The following LRRTM4 variants were observed in gnomAD, a reference collection of about 807,000 sequenced individuals.
The protein encoded by LRRTM4 is leucine rich repeat transmembrane neuronal 4, also known as leucine-rich repeat transmembrane neuronal protein 4.
LRRTM4 carries 25 observed loss-of-function variants against 47.6 expected under a neutral mutation model. The observed-to-expected ratio is 0.53, with a 90% CI of 0.38 to 0.73. The LOEUF (loss-of-function observed/expected upper bound fraction) is 0.73, where lower values mean the gene tolerates loss of function less well. Ranked by LOEUF, LRRTM4 falls within the 30% of genes least tolerant of loss-of-function variation. The pLI, the probability that LRRTM4 is intolerant of heterozygous loss-of-function variation, is 0.00. For synonymous variants in LRRTM4, 311 were observed against 269.5 expected (o/e 1.15, Z -1.51); for missense variants, 638 against 713.4 (o/e 0.89, Z 1.20).
At chr2:76,748,982 A>T (rs1324221447) in intron 3 of LRRTM4, 66 bp from the exon 4 acceptor site, 2 of 1,304,330 alleles carry the variant, frequency 1.5e-6, no homozygotes, top group Admixed American at 2.0e-5. Flanking sequence ...GACAGCACTC[A>T]TCAGGTTGTA....
rs535603114 is a variant in LRRTM4 at position 76,966,395 on chromosome 2, G to A, written c.1552-217479C>T. ...TAGGAGTAATTACATGTATTTTTTGGTCTGTTGTGTGTTTTTGCTCTAGAC... is the reference window on the plus strand; with the variant it reads ...TAGGAGTAATTACATGTATTTTTTGATCTGTTGTGTGTTTTTGCTCTAGAC... On this transcript the variant is annotated intron_variant, in intron 3 of 3. Coordinates refer to ENST00000409884, the MANE Select transcript of LRRTM4 (RefSeq NM_001134745.3). Among the ~76,000 whole-genome samples the A allele has an allele frequency of 4.6e-5, 7 of 151,338 alleles. No individual in the cohort carries two copies. In the South Asian group the frequency reaches 1.2e-3, roughly 27 times the overall value.
chr2:76,882,043 T>C (rs1242190050), intron 3 of LRRTM4, among the ~76,000 whole-genome samples: 1 of 152,128 alleles, frequency 6.6e-6, no homozygotes, highest in African/African-American at 2.4e-5. Flanking sequence ...TGGTGTAAAA[T>C]TGAATTCCTA....
intron 3 of LRRTM4, among the ~76,000 whole-genome samples, chr2:77,013,980 G>A (rs1166306405): frequency 1.3e-5 from 2 of 152,090 alleles, no homozygotes; most frequent in Admixed American, 6.6e-5. Context: ...GGTTCCTTAT[G>A]GAAAATAAAG....
chr2:77,287,954 T>C lies in LRRTM4; in HGVS notation c.1551+230364A>G, dbSNP rs1050865821. 2.6e-5 allele frequency among the ~76,000 whole-genome samples: 4 copies of C among 152,106 alleles called. No individual in the cohort carries two copies. The South Asian group carries it at 6.2e-4, about 24-fold the overall frequency. ...GGGCACTACTGTATACAACAAAGGG[T>C]AATGTATTCACATCATTCAACACAT... On this transcript the variant is annotated intron_variant, in intron 3 of 3. Transcript: ENST00000409884.
rs183768574 is a variant in LRRTM4 at position 77,025,175 on chromosome 2, G to A, written c.1552-276259C>T. Reference sequence around the variant, plus strand: ...AGTTTCCAGGTAAAATCCATGACATGTCAAGAGATCACATATATTTAGCTG... The same window carrying A: ...AGTTTCCAGGTAAAATCCATGACATATCAAGAGATCACATATATTTAGCTG... On this transcript the variant is annotated intron_variant, in intron 3 of 3. Coordinates refer to ENST00000409884, the MANE Select transcript of LRRTM4 (RefSeq NM_001134745.3). Among the ~76,000 whole-genome samples, 522 of 152,240 alleles carry A rather than the reference G, an allele frequency of 3.4e-3. 4 individuals are homozygous for A. Among genetic ancestry groups the A allele is most frequent in the African/African-American group, 0.012 (506 of 41,540 alleles).
At chr2:77,031,805 ATTATAC>A (rs1432617482) in intron 3 of LRRTM4, among the ~76,000 whole-genome samples, 5 of 152,268 alleles carry the variant, frequency 3.3e-5, no homozygotes, top group East Asian at 1.9e-4. Context: ...AATATAGTGA[ATTATAC>A]TTATAAGAAG....
At chr2:77,373,084 A>ATATATATATAT (rs1553435852) in intron 3 of LRRTM4, among the ~76,000 whole-genome samples, 2 of 127,256 alleles carry the variant, frequency 1.6e-5, no homozygotes, top group Non-Finnish European at 1.7e-5. Flanking sequence ...ACAATTAAAA[A>ATATATATATAT]AAAAATATAT....
At chr2:76,928,077 T>C (rs1573325360) in intron 3 of LRRTM4, among the ~76,000 whole-genome samples, 1 of 152,180 alleles carries the variant, frequency 6.6e-6, no homozygotes, top group Admixed American at 6.6e-5. Flanking sequence ...AATTTTTATA[T>C]GGCTTTACAT....
chr2:76,878,208 T>A (rs1397877505), intron 3 of LRRTM4, among the ~76,000 whole-genome samples: 3 of 152,168 alleles, frequency 2.0e-5, no homozygotes, highest in African/African-American at 7.2e-5. Flanking sequence ...ACGGCACTCA[T>A]ATAAAACATG....
chr2:77,189,175 C>G (rs1037753604), intron 3 of LRRTM4, among the ~76,000 whole-genome samples: 7 of 152,036 alleles, frequency 4.6e-5, no homozygotes, highest in Non-Finnish European at 8.8e-5. Flanking sequence ...GTAAAACCTA[C>G]CAAGCTCTCT....
chr2:77,431,319 A>G lies in LRRTM4; in HGVS notation c.1551+86999T>C, dbSNP rs183245308. 1.3e-5 allele frequency among the ~76,000 whole-genome samples: 2 copies of G among 148,932 alleles called. 1 individual carries two copies. The highest frequency in any genetic ancestry group is 5.2e-5 in the African/African-American group (2 of 38,408). Reference sequence around the variant, plus strand: ...GAAAGTACAAATTCAAGAAAGGGTGAGCAAGCTTCCCAAAGCCTCTGTTAT... The same window carrying G: ...GAAAGTACAAATTCAAGAAAGGGTGGGCAAGCTTCCCAAAGCCTCTGTTAT... On this transcript the variant is annotated intron_variant, in intron 3 of 3. Transcript: ENST00000409884.
intron 3 of LRRTM4, among the ~76,000 whole-genome samples, chr2:77,047,079 A>T (rs776423166): frequency 6.6e-6 from 1 of 152,058 alleles, no homozygotes; most frequent in Non-Finnish European, 1.5e-5. Context: ...TCAGTTTGGG[A>T]GTAATCTTTA....
chr2:76,784,788 G>T (rs1343305923), intron 3 of LRRTM4, among the ~76,000 whole-genome samples: 1 of 148,488 alleles, frequency 6.7e-6, no homozygotes, highest in Non-Finnish European at 1.5e-5. Context: ...TTTTTGTATG[G>T]TTTTTTATTT....
At chr2:77,342,466 G>A (rs1258297032) in intron 3 of LRRTM4, among the ~76,000 whole-genome samples, 1 of 151,928 alleles carries the variant, frequency 6.6e-6, no homozygotes, top group East Asian at 1.9e-4. Flanking sequence ...CCCTACTGTA[G>A]TGTAAAGAGC....
intron 3 of LRRTM4, among the ~76,000 whole-genome samples, chr2:76,749,894 G>T (rs1229571665): frequency 6.6e-6 from 1 of 152,200 alleles, no homozygotes; most frequent in African/African-American, 2.4e-5. Context: ...GATGAGAAAA[G>T]TGCAAAGGCT....
At chr2:77,322,986 T>C (rs1441263169) in intron 3 of LRRTM4, among the ~76,000 whole-genome samples, 1 of 152,000 alleles carries the variant, frequency 6.6e-6, no homozygotes, top group Non-Finnish European at 1.5e-5. Flanking sequence ...ATTGATCTGT[T>C]ATCCATCCAA....
chr2:77,009,975 TA>T lies in LRRTM4; in HGVS notation c.1552-261060del, dbSNP rs60699157. On this transcript the variant is annotated intron_variant, in intron 3 of 3. Coordinates refer to ENST00000409884, the MANE Select transcript of LRRTM4 (RefSeq NM_001134745.3). ...TTTCATCAGGGCAGGACCCTTTTTT[TA>T]AAAAAAAAAAAGTTGATTTAACTTT... Among the ~76,000 whole-genome samples, 1,002 of 145,462 alleles carry T rather than the reference TA, an allele frequency of 6.9e-3. 11 individuals carry two copies. Among genetic ancestry groups the T allele is most frequent in the African/African-American group, 0.021 (834 of 40,128 alleles).
intron 3 of LRRTM4, among the ~76,000 whole-genome samples, chr2:76,872,737 G>A (rs1672661080): frequency 6.6e-6 from 1 of 152,008 alleles, no homozygotes; most frequent in Admixed American, 6.6e-5. Flanking sequence ...TAATGTAGGA[G>A]GTGAGACCTA....
intron 3 of LRRTM4, among the ~76,000 whole-genome samples, chr2:77,344,284 CA>C (rs2104282741): frequency 6.6e-6 from 1 of 151,808 alleles, no homozygotes; most frequent in Non-Finnish European, 1.5e-5. Flanking sequence ...AATTATCTGA[CA>C]AAGACTATAA....
Sources: gnomAD v4.1 joint callset for allele counts (sites outside exome capture counted in the v4.1 genomes callset) on GRCh38, gnomAD v4.1.1 for gene constraint, MANE v1.5 for transcripts, NCBI Gene and HGNC (gene_info 2026-07-23, HGNC 2026-07-21) for gene names.